Variants in IDS observed in about 807,000 individuals in gnomAD.
IDS encodes iduronate 2-sulfatase, also known as alpha-L-iduronate sulfate sulfatase.
A neutral mutation model predicts 33.5 loss-of-function variants in IDS; 1 was observed. The observed-to-expected ratio is 0.03, with a 90% CI of 0.01 to 0.14. IDS has a LOEUF of 0.14. Among genes scored for constraint, IDS ranks in the 10% least tolerant of loss-of-function variants. IDS has a pLI of 1.00. For missense variants in IDS, 328 were observed against 448.0 expected (o/e 0.73, Z 2.42); for synonymous variants, 191 against 184.4 (o/e 1.04, Z -0.29).
At position 149,481,285 on chromosome X, in the gene IDS, A is replaced by G. The variant is rs1453917705; in HGVS notation, c.*1461T>C. Reference sequence around the variant, plus strand: ...CAGTCACGGAGAAGTCGTTGTTGCCAGAACAGTCAGTCACTTAACTGCTTA... The same window carrying G: ...CAGTCACGGAGAAGTCGTTGTTGCCGGAACAGTCAGTCACTTAACTGCTTA... On this transcript the variant is annotated 3_prime_UTR_variant, in exon 9 of 9. Coordinates refer to ENST00000340855, the MANE Select transcript of IDS (RefSeq NM_000202.8). 8.9e-6 allele frequency: 1 copy of G among 112,581 alleles called. No homozygotes were observed. Among genetic ancestry groups the G allele is most frequent in the African/African-American group, 3.2e-5 (1 of 30,969 alleles). 9.3% of individuals were successfully genotyped at this position (112,581 alleles called of 1,213,427 possible).
Position 149,498,149 on chromosome X carries a change from G to A in IDS, c.666C>T (p.Ala222=), listed in dbSNP as rs201588028. ...GGATGTGTGGCTTATGATACCCAAC[G>A]GCCAGGAAGAAAGGACTGGCTGACG... is the stretch of plus-strand genomic sequence containing the variant. ...MKTSASPFFL[A]VGYHKPHIPF... Residue 222 remains alanine (A), a synonymous_variant, in exon 5 of 9, where the codon GCC becomes GCT. Transcript: ENST00000340855. 588 of 1,209,697 alleles carry A rather than the reference G, an allele frequency of 4.9e-4. No individual in the cohort carries two copies. The highest frequency in any genetic ancestry group is 2.4e-3 in the East Asian group (81 of 33,747).
chrX:149,501,035 T>A lies in IDS; in HGVS notation c.421A>T (p.Ile141Leu), dbSNP rs781999172. 8 of 1,124,953 alleles carry A rather than the reference T, an allele frequency of 7.1e-6. No homozygotes were observed. The East Asian group carries it at 2.1e-4, about 29-fold the overall frequency. 92.7% of individuals were successfully genotyped at this position (1,124,953 alleles called of 1,213,427 possible). The change falls in exon 4 of 9, where the codon ATA becomes TTA. Residue 141 changes from isoleucine (I) to leucine (L), a missense_variant and splice_region_variant. This residue lies in a region of IDS where 265 missense variants were observed against 339.2 expected (regional missense o/e 0.78). Transcript: ENST00000340855. The stretch of plus-strand genomic sequence containing the variant: ...GAATCATCGGTATGGTTAGAAGATA[T>A]CCCTTGGAAAAAAAAAAAGGTTGTT... ...MSVGKVFHPGISSNHTDDSPY... is the reference protein window; with the variant it reads ...MSVGKVFHPGLSSNHTDDSPY...
At chrX:149,485,647 C>A (rs957654167) in intron 8 of IDS, among the ~76,000 whole-genome samples, 2 of 111,911 alleles carry the variant, frequency 1.8e-5, no homozygotes, top group African/African-American at 6.5e-5. Flanking sequence ...GGAAAAGACA[C>A]AGCTAGAGAT....
Position 149,477,669 on chromosome X carries a change from C to G in IDS, c.*5077G>C, listed in dbSNP as rs2089273781. On this transcript the variant is annotated 3_prime_UTR_variant, in exon 9 of 9. Transcript: ENST00000340855. ...CCACAACAGACTGTGTTTTATCAGA[C>G]ACTCAGAGGAAAGTGGCATCTGTCC... 1 of 112,999 alleles carries G rather than the reference C, an allele frequency of 8.8e-6. No individual in the cohort carries two copies. The highest frequency in any genetic ancestry group is 9.3e-5 in the Admixed American group (1 of 10,782). 9.3% of individuals were successfully genotyped at this position (112,999 alleles called of 1,213,427 possible). A position where few individuals can be genotyped will look rare whatever the true frequency, so the allele number is the denominator to read the frequency against.
rs782286857 is a variant in IDS at position 149,496,374 on chromosome X, G to A, written c.851C>T (p.Pro284Leu). ...AAAGTCCACAGGAATTGGACCATAC[G>A]GCACACTGATGTTTAAGGCTTGGAC... is the stretch of plus-strand genomic sequence containing the variant. Reference protein sequence around the residue: ...EDVQALNISVPYGPIPVDFQR... With the variant: ...EDVQALNISVLYGPIPVDFQR... Residue 284 changes from proline (P) to leucine (L), a missense_variant, in exon 6 of 9, where the codon CCG (proline) becomes CTG (leucine). Pro to Leu is a moderately conservative substitution (Grantham distance 98, BLOSUM62 -3). Transcript: ENST00000340855. 38 of 1,209,521 alleles carry A rather than the reference G, an allele frequency of 3.1e-5. No homozygotes were observed. The East Asian group carries it at 8.6e-4, about 27-fold the overall frequency.
chrX:149,498,320 AATAAT>A lies in IDS; in HGVS notation c.508-18_508-14del. The A allele has an allele frequency of 8.4e-7, 1 of 1,184,585 alleles. No individual in the cohort carries two copies. The highest frequency in any genetic ancestry group is 1.7e-5 in the African/African-American group (1 of 57,366). On this transcript the variant is annotated splice_polypyrimidine_tract_variant and intron_variant, in intron 4 of 8. Transcript: ENST00000340855. The stretch of plus-strand genomic sequence containing the variant: ...GCCCTCGACATGTCTTTCAAAACAA[AATAAT>A]ATAACATCAGCTTTTTAAGTGCAAG...
chrX:149,483,957 G>C (rs1198407411), intron 8 of IDS, among the ~76,000 whole-genome samples: 1 of 112,523 alleles, frequency 8.9e-6, no homozygotes, highest in Non-Finnish European at 1.9e-5. Context: ...TGTCCTCAAG[G>C]CTCATCCATG....
chrX:149,499,420 A>C (rs1448620389), intron 4 of IDS: 1 of 111,401 alleles, frequency 9.0e-6, no homozygotes, highest in African/African-American at 3.3e-5. Flanking sequence ...AACCTCAAAA[A>C]CATTATTCTA....
chrX:149,494,123 G>T (rs1317668294), intron 6 of IDS, among the ~76,000 whole-genome samples: 3 of 111,769 alleles, frequency 2.7e-5, no homozygotes, highest in African/African-American at 9.8e-5. Context: ...TGGGGGCATG[G>T]ATTTTCTCCA....
intron 3 of IDS, chrX:149,502,656 TC>T (rs1229594726): frequency 2.4e-5 from 3 of 123,562 alleles, no homozygotes; most frequent in Admixed American, 2.4e-4. Flanking sequence ...TACTTTTTTC[TC>T]CATTTTTTTT....
intron 3 of IDS, chrX:149,502,977 C>A (rs2089492363): frequency 2.0e-5 from 9 of 456,475 alleles, no homozygotes; most frequent in Non-Finnish European, 3.3e-5. Flanking sequence ...CTGACAGGTA[C>A]CCTGCAGGGG....
chrX:149,483,018 T>A lies in IDS; in HGVS notation c.1381A>T (p.Ile461Phe). 8.3e-7 allele frequency: 1 copy of A among 1,210,313 alleles called. No homozygotes were observed. Among genetic ancestry groups the A allele is most frequent in the Non-Finnish European group, 1.1e-6 (1 of 894,363 alleles). The change falls in exon 9 of 9, where the codon ATT (isoleucine) becomes TTT (phenylalanine). Residue 461 changes from isoleucine (I) to phenylalanine (F), a missense_variant. This residue lies in a region of IDS where 265 missense variants were observed against 339.2 expected (regional missense o/e 0.78). Coordinates refer to ENST00000340855, the MANE Select transcript of IDS (RefSeq NM_000202.8). Reference sequence around the variant, plus strand: ...GGCCGGGGATACTGGCTATAGGCAATCAGTTCACGGGGATTACCAGGGAGG... The same window carrying A: ...GGCCGGGGATACTGGCTATAGGCAAACAGTTCACGGGGATTACCAGGGAGG... ...PYLPGNPREL[I>F]AYSQYPRPSD...
At chrX:149,490,034 C>A (rs782429813) in intron 7 of IDS, among the ~76,000 whole-genome samples, 1 of 108,340 alleles carries the variant, frequency 9.2e-6, no homozygotes, top group South Asian at 4.1e-4. Context: ...AAGAGCTCTG[C>A]CACACAAATG....
Position 149,478,346 on chromosome X carries a change from AG to A in IDS, c.*4399del, listed in dbSNP as rs1340818895. ...CAGCAACATTATTGCAATGGCCAAA[AG>A]GTAGAAATGACCCAAGTGGTCACTG... On this transcript the variant is annotated 3_prime_UTR_variant, in exon 9 of 9. Coordinates refer to ENST00000340855, the MANE Select transcript of IDS (RefSeq NM_000202.8). 1.8e-5 allele frequency: 2 copies of A among 112,503 alleles called. No individual in the cohort carries two copies. Among genetic ancestry groups the A allele is most frequent in the Admixed American group, 9.4e-5 (1 of 10,680 alleles). 9.3% of individuals were successfully genotyped at this position (112,503 alleles called of 1,213,427 possible).
rs782429201 is a variant in IDS, at chrX:149,478,391, G to A, written c.*4355C>T. 23 of 111,971 alleles carry A rather than the reference G, an allele frequency of 2.1e-4. No homozygotes were observed. The highest frequency in any genetic ancestry group is 6.8e-4 in the African/African-American group (21 of 30,806). The allele number at this position is 111,971 out of a possible 1,213,427, so 9.2% of individuals were successfully genotyped here. A position where few individuals can be genotyped will look rare whatever the true frequency, so the allele number is the denominator to read the frequency against. On this transcript the variant is annotated 3_prime_UTR_variant, in exon 9 of 9. Transcript: ENST00000340855. ...GTCACTGGTGGATGAATGGATAAGCGGAACGTGGTACATACATTTCAGTCC... is the reference window on the plus strand; with the variant it reads ...GTCACTGGTGGATGAATGGATAAGCAGAACGTGGTACATACATTTCAGTCC...
At chrX:149,492,794 G>A (rs1557338873) in intron 6 of IDS, among the ~76,000 whole-genome samples, 1 of 110,719 alleles carries the variant, frequency 9.0e-6, no homozygotes, top group Non-Finnish European at 1.9e-5. Context: ...AAGGCCCACT[G>A]AGGTGGTCCA....
intron 6 of IDS, among the ~76,000 whole-genome samples, chrX:149,495,179 C>T (rs186305150): frequency 1.8e-5 from 2 of 112,056 alleles, no homozygotes; most frequent in East Asian, 2.8e-4. Context: ...CCAGGTGCAG[C>T]CTCAGAGCCA....
At chrX:149,484,534 A>C (rs7877238) in intron 8 of IDS, among the ~76,000 whole-genome samples, 136 of 112,352 alleles carry the variant, frequency 1.2e-3, no homozygotes, top group South Asian at 1.8e-3. Context: ...GTTGGCCAGG[A>C]TGGTCTTGAT....
intron 5 of IDS, among the ~76,000 whole-genome samples, chrX:149,497,469 T>A (rs781952033): frequency 1.9e-4 from 21 of 112,282 alleles, no homozygotes; most frequent in African/African-American, 5.8e-4. Context: ...CAAAGCAAGA[T>A]ACCTGCAACA....
Sources: allele counts gnomAD v4.1 joint callset (sites outside exome capture counted in the v4.1 genomes callset), GRCh38; gene constraint gnomAD v4.1.1; regional missense constraint gnomAD v4.1.1; transcripts MANE v1.5; gene names NCBI Gene and HGNC (gene_info 2026-07-23, HGNC 2026-07-21).